Variants in CYYR1 observed in about 807,000 individuals in gnomAD.
CYYR1 encodes the protein cysteine and tyrosine-rich protein 1.
In CYYR1, 14 loss-of-function variants were observed where a neutral mutation model predicts 15.2. That is an observed-to-expected ratio of 0.92 (90% CI 0.61 to 1.44). CYYR1 has a LOEUF of 1.44. CYYR1 is among the 40% of genes most tolerant of loss of function. The probability of loss-of-function intolerance (pLI) is 0.00; values close to 1 mark genes in which losing one functional copy is unlikely to be tolerated. For synonymous variants in CYYR1, 80 were observed against 77.4 expected (o/e 1.03, Z -0.18); for missense variants, 228 against 209.5 (o/e 1.09, Z -0.54).
intron 2 of CYYR1, among the ~76,000 whole-genome samples, chr21:26,494,373 G>A (rs1462924088): frequency 3.3e-5 from 5 of 152,104 alleles, no homozygotes; most frequent in Non-Finnish European, 7.3e-5. Context: ...CATTTCTGAG[G>A]GGGGAGAAAG....
intron 2 of CYYR1, among the ~76,000 whole-genome samples, chr21:26,506,184 A>C (rs2065559726): frequency 6.6e-6 from 1 of 152,086 alleles, no homozygotes; most frequent in Non-Finnish European, 1.5e-5. Flanking sequence ...GCCCTTGGGA[A>C]ATTTGAAGTC....
At chr21:26,492,379 A>G (rs1292198808) in intron 2 of CYYR1, among the ~76,000 whole-genome samples, 1 of 152,204 alleles carries the variant, frequency 6.6e-6, no homozygotes, top group African/African-American at 2.4e-5. Flanking sequence ...TAGACCTGCC[A>G]TTTGTAACCA....
chr21:26,507,317 A>G (rs1409236122), intron 2 of CYYR1, among the ~76,000 whole-genome samples: 1 of 152,224 alleles, frequency 6.6e-6, no homozygotes, highest in Non-Finnish European at 1.5e-5. Context: ...AACATATGCT[A>G]TACTATAGTA....
intron 2 of CYYR1, among the ~76,000 whole-genome samples, chr21:26,540,493 A>C (rs1218718927): frequency 6.6e-6 from 1 of 152,164 alleles, no homozygotes; most frequent in Non-Finnish European, 1.5e-5. Context: ...GAAACTATAC[A>C]GGGTAGAGCA....
At chr21:26,503,317 A>G (rs1045739434) in intron 2 of CYYR1, among the ~76,000 whole-genome samples, 1 of 152,224 alleles carries the variant, frequency 6.6e-6, no homozygotes, top group African/African-American at 2.4e-5. Flanking sequence ...AGAAAATAGT[A>G]ATTTGAGGTA....
intron 2 of CYYR1, among the ~76,000 whole-genome samples, chr21:26,500,033 C>T (rs2065459051): frequency 6.6e-6 from 1 of 152,048 alleles, no homozygotes. Flanking sequence ...CTGGGAAGTC[C>T]AAGATCAAGG....
chr21:26,472,575 CTGTT>C (rs1301736182), intron 3 of CYYR1, among the ~76,000 whole-genome samples: 2 of 152,074 alleles, frequency 1.3e-5, no homozygotes, highest in African/African-American at 4.8e-5. Context: ...ATCTTGTCCA[CTGTT>C]TGTTATTCAT....
At chr21:26,478,722 C>G (rs1314435012) in intron 3 of CYYR1, among the ~76,000 whole-genome samples, 3 of 151,996 alleles carry the variant, frequency 2.0e-5, no homozygotes, top group Non-Finnish European at 2.9e-5. Flanking sequence ...GGGAGACCAG[C>G]CAGGATGTTA....
rs1491223332 is a variant in CYYR1 at position 26,517,144 on chromosome 21, A to AAAAAAAG, written c.177-36716_177-36715insCTTTTTT. 3.0e-4 allele frequency among the ~76,000 whole-genome samples: 33 copies of AAAAAAAG among 111,436 alleles called. 1 individual carries two copies. Among genetic ancestry groups the AAAAAAAG allele is most frequent in the Middle Eastern group, 5.7e-3 (1 of 174 alleles). 73.1% of individuals were successfully genotyped at this position (111,436 alleles called of 152,430 possible). ...AAAAAAAAAAAAAAAAAAAAAAAAA[A>AAAAAAAG]GAATTCACTGGGATAATCTATCAAA... On this transcript the variant is annotated intron_variant, in intron 2 of 3. Transcript: ENST00000652641.
intron 2 of CYYR1, among the ~76,000 whole-genome samples, chr21:26,559,264 GCCTTT>G (rs1980029343): frequency 6.6e-6 from 1 of 152,136 alleles, no homozygotes; most frequent in African/African-American, 2.4e-5. Context: ...TCTGCTCTAT[GCCTTT>G]TTTTGTGCAC....
chr21:26,476,566 G>T (rs2065105805), intron 3 of CYYR1, among the ~76,000 whole-genome samples: 1 of 147,320 alleles, frequency 6.8e-6, no homozygotes, highest in African/African-American at 2.6e-5. Context: ...CTCTCCAATT[G>T]TTTGTCTACC....
intron 2 of CYYR1, among the ~76,000 whole-genome samples, chr21:26,542,290 CGTGTGTGTGTGT>C (rs55725152): frequency 7.8e-6 from 1 of 128,070 alleles, no homozygotes; most frequent in Non-Finnish European, 1.6e-5. Context: ...TGTGTGTGTG[CGTGTGTGTGTGT>C]GTGTGTGTGT....
chr21:26,495,078 TAGTC>T (rs1375839292), intron 2 of CYYR1, among the ~76,000 whole-genome samples: 1 of 152,226 alleles, frequency 6.6e-6, no homozygotes, highest in Admixed American at 6.5e-5. Flanking sequence ...AGCAGAAAGT[TAGTC>T]AGTATAAGCT....
intron 2 of CYYR1, among the ~76,000 whole-genome samples, chr21:26,521,019 C>T (rs1281654875): frequency 1.3e-5 from 2 of 152,124 alleles, no homozygotes; most frequent in Non-Finnish European, 2.9e-5. Context: ...ACAACACATA[C>T]TGGGTCCCGT....
chr21:26,527,774 C>T lies in CYYR1; in HGVS notation c.176+38492G>A, dbSNP rs187631028. On this transcript the variant is annotated intron_variant, in intron 2 of 3. Transcript: ENST00000652641. ...AGGTATCAGAATCTTTTATAGGTCC[C>T]GGGAGAATATTTTGTTCAAATAATA... Among the ~76,000 whole-genome samples, 386 of 152,136 alleles carry T rather than the reference C, an allele frequency of 2.5e-3. 1 individual carries two copies. Among genetic ancestry groups the T allele is most frequent in the Non-Finnish European group, 4.3e-3 (290 of 68,016 alleles).
intron 2 of CYYR1, among the ~76,000 whole-genome samples, chr21:26,488,644 T>C (rs773831889): frequency 1.3e-5 from 2 of 152,144 alleles, no homozygotes; most frequent in African/African-American, 2.4e-5. Context: ...TGTAATAAAA[T>C]ATTTTGTGTC....
intron 2 of CYYR1, among the ~76,000 whole-genome samples, chr21:26,528,816 C>A (rs958801200): frequency 6.6e-6 from 1 of 152,072 alleles, no homozygotes; most frequent in African/African-American, 2.4e-5. Context: ...CCTACAGTTA[C>A]GGGAGCTTAA....
intron 2 of CYYR1, among the ~76,000 whole-genome samples, chr21:26,528,817 G>A (rs990045815): frequency 2.0e-5 from 3 of 152,098 alleles, no homozygotes; most frequent in Non-Finnish European, 2.9e-5. Flanking sequence ...CTACAGTTAC[G>A]GGAGCTTAAG....
intron 2 of CYYR1, among the ~76,000 whole-genome samples, chr21:26,559,791 C>G (rs528442994): frequency 2.0e-4 from 30 of 152,266 alleles, no homozygotes; most frequent in Middle Eastern, 6.8e-3. Context: ...AGTTTCTAAG[C>G]TCCAAATTCT....
Sources: gnomAD v4.1 joint callset for allele counts (sites outside exome capture counted in the v4.1 genomes callset) on GRCh38, gnomAD v4.1.1 for gene constraint, MANE v1.5 for transcripts, NCBI Gene and HGNC (gene_info 2026-07-23, HGNC 2026-07-21) for gene names.